DOCK1: variants seen among roughly 807,000 people sequenced by gnomAD.
DOCK1 encodes dedicator of cytokinesis 1, also known as dedicator of cytokinesis protein 1.
DOCK1 carries 138 observed loss-of-function variants against 262.7 expected under a neutral mutation model. The observed-to-expected ratio is 0.53, with a 90% CI of 0.46 to 0.61. The LOEUF (loss-of-function observed/expected upper bound fraction) is 0.61. Among genes scored for constraint, DOCK1 ranks in the 20% least tolerant of loss-of-function variants. The pLI is 0.00. For synonymous variants in DOCK1, 866 were observed against 867.4 expected, an observed-to-expected ratio of 1.00 and a Z score of 0.03; for missense variants, 1,908 against 2,370.7, an observed-to-expected ratio of 0.80 and a Z score of 4.05.
At chr10:127,000,061 A>T in intron 9 of DOCK1, 111 bp from the exon 10 acceptor site, 3 of 1,227,482 alleles carry the variant, frequency 2.4e-6, no homozygotes, top group Non-Finnish European at 3.4e-6. Context: ...GATTAAAATG[A>T]TAAAAACTGG....
chr10:127,291,120 T>C (rs762432221), intron 29 of DOCK1, among the ~76,000 whole-genome samples: 4 of 152,150 alleles, frequency 2.6e-5, no homozygotes, highest in Non-Finnish European at 5.9e-5. Context: ...TAGGTTGAGA[T>C]TGGGAAGACA....
At chr10:127,071,966 A>G (rs1483639893) in intron 23 of DOCK1, among the ~76,000 whole-genome samples, 4 of 152,110 alleles carry the variant, frequency 2.6e-5, no homozygotes, top group Non-Finnish European at 5.9e-5. Flanking sequence ...ACTGGTGGAA[A>G]ATCTCTCCTT....
chr10:127,398,452 A>G (rs566200036), intron 38 of DOCK1, among the ~76,000 whole-genome samples: 2 of 152,240 alleles, frequency 1.3e-5, no homozygotes, highest in East Asian at 3.9e-4. Context: ...CAAAGAACGG[A>G]CTGAACGCAG....
At chr10:127,353,692 C>T (rs1716165659) in intron 31 of DOCK1, among the ~76,000 whole-genome samples, 1 of 152,218 alleles carries the variant, frequency 6.6e-6, no homozygotes, top group South Asian at 2.1e-4. Flanking sequence ...CTCCCACGCA[C>T]CACAGCAGAG....
intron 3 of DOCK1, among the ~76,000 whole-genome samples, chr10:126,980,485 C>T (rs1231333574): frequency 6.6e-6 from 1 of 152,160 alleles, no homozygotes; most frequent in Non-Finnish European, 1.5e-5. Flanking sequence ...TGCAGGTGTG[C>T]ACCTCTGAGC....
chr10:126,958,771 C>G (rs1218882361), intron 1 of DOCK1, among the ~76,000 whole-genome samples: 4 of 152,114 alleles, frequency 2.6e-5, no homozygotes, highest in Non-Finnish European at 5.9e-5. Flanking sequence ...CTGTTTCACT[C>G]CGCTCAGATG....
chr10:127,089,201 C>T (rs1431344723), intron 23 of DOCK1, among the ~76,000 whole-genome samples: 2 of 152,176 alleles, frequency 1.3e-5, no homozygotes, highest in Non-Finnish European at 2.9e-5. Flanking sequence ...GGACCCCTCC[C>T]GTGACTCAGC....
intron 51 of DOCK1, 56 bp from the exon 52 acceptor site, chr10:127,451,276 T>C: frequency 6.5e-7 from 1 of 1,543,518 alleles, no homozygotes; most frequent in South Asian, 1.2e-5. Context: ...GGAGACGGTG[T>C]CTTTTCTGTC....
Position 126,981,955 on chromosome 10 carries a change from C to T in DOCK1, c.209C>T (p.Ala70Val), listed in dbSNP as rs776990526. Reference protein sequence around the residue: ...FPASYIHLKEAIVEGKGQHET... With the variant: ...FPASYIHLKEVIVEGKGQHET... ...GCTTCATATATTCATCTTAAAGAAG[C>T]GATAGTTGAAGGAAAAGGGTGAGTC... is the stretch of plus-strand genomic sequence containing the variant. The change falls in exon 4 of 52, where the codon GCG becomes GTG. Residue 70 changes from alanine to valine, a missense_variant. By Grantham distance (64) the Ala-to-Val change is moderately conservative (BLOSUM62 0). Around this residue, in one of 9 missense-constraint regions of DOCK1, gnomAD observed 227 missense variants for 254.1 expected, o/e 0.89. Transcript: ENST00000623213. The T allele has an allele frequency of 1.2e-5, 19 of 1,612,970 alleles. No homozygotes were observed. Among genetic ancestry groups the T allele is most frequent in the Middle Eastern group, 1.6e-4 (1 of 6,080 alleles).
In DOCK1 at chr10:127,397,997, C is replaced by T. The variant is rs186977124; in HGVS notation, c.3928-5058C>T. Among the ~76,000 whole-genome samples the T allele has an allele frequency of 4.8e-3, 733 of 152,274 alleles. 5 individuals are homozygous for T. The highest frequency in any genetic ancestry group is 7.5e-3 in the Admixed American group (114 of 15,298). ...CAACAGTGACTCCGATTTGGCAAGG[C>T]AGAGGTTCCCGTGTGATGGGGCTCC... is the stretch of plus-strand genomic sequence containing the variant. On this transcript the variant is annotated intron_variant, in intron 38 of 51. Coordinates refer to ENST00000623213, the MANE Select transcript of DOCK1 (RefSeq NM_001290223.2).
At chr10:126,981,191 A>T (rs2134836912) in intron 3 of DOCK1, among the ~76,000 whole-genome samples, 1 of 152,184 alleles carries the variant, frequency 6.6e-6, no homozygotes, top group South Asian at 2.1e-4. Context: ...CAGGTGATCC[A>T]CACACCTGAG....
chr10:126,942,169 G>A (rs970335726), intron 1 of DOCK1, among the ~76,000 whole-genome samples: 9 of 152,114 alleles, frequency 5.9e-5, no homozygotes, highest in South Asian at 2.1e-4. Flanking sequence ...GACTACAGGC[G>A]CCCGCCACCA....
At chr10:127,025,937 T>C (rs1392577863) in intron 15 of DOCK1, 3 of 211,448 alleles carry the variant, frequency 1.4e-5, no homozygotes, top group Admixed American at 5.6e-5. Context: ...ATGCCTGTAA[T>C]CCCAGCTACT....
At chr10:127,233,924 A>G (rs553578760) in intron 27 of DOCK1, among the ~76,000 whole-genome samples, 1 of 152,318 alleles carries the variant, frequency 6.6e-6, no homozygotes, top group Non-Finnish European at 1.5e-5. Context: ...TTGTTCTTCA[A>G]TAATAGAACT....
intron 38 of DOCK1, among the ~76,000 whole-genome samples, chr10:127,390,932 G>T (rs942743853): frequency 6.6e-6 from 1 of 152,090 alleles, no homozygotes; most frequent in African/African-American, 2.4e-5. Flanking sequence ...GGACGGTGCT[G>T]CTCTGAGTCA....
At chr10:127,112,803 A>G (rs2048946852) in intron 25 of DOCK1, among the ~76,000 whole-genome samples, 1 of 152,158 alleles carries the variant, frequency 6.6e-6, no homozygotes, top group Admixed American at 6.5e-5. Context: ...GGCAGCTCAA[A>G]TGTACTTCTA....
chr10:127,280,034 A>ATG (rs1554939125), intron 29 of DOCK1, among the ~76,000 whole-genome samples: 3 of 91,478 alleles, frequency 3.3e-5, no homozygotes, highest in Non-Finnish European at 4.6e-5. Flanking sequence ...ATATATATAT[A>ATG]ATTTTTTTTT....
intron 6 of DOCK1, among the ~76,000 whole-genome samples, chr10:126,994,522 C>T (rs1450261645): frequency 1.3e-5 from 2 of 152,272 alleles, no homozygotes; most frequent in East Asian, 3.9e-4. Context: ...GGTGGTGACT[C>T]TTAAGGAGCA....
chr10:126,965,694 AGTT>A (rs2037620747), intron 1 of DOCK1, among the ~76,000 whole-genome samples: 1 of 152,046 alleles, frequency 6.6e-6, no homozygotes, highest in Non-Finnish European at 1.5e-5. Flanking sequence ...AGAGTAGTCA[AGTT>A]GTTTTTTTTG....
Sources: gnomAD v4.1 joint callset for allele counts (sites outside exome capture counted in the v4.1 genomes callset) on GRCh38, gnomAD v4.1.1 for gene constraint, gnomAD v4.1.1 regional missense constraint, MANE v1.5 for transcripts, NCBI Gene and HGNC (gene_info 2026-07-23, HGNC 2026-07-21) for gene names.